Variants in NELL1 observed in about 807,000 individuals in gnomAD.
NELL1 encodes the protein protein kinase C-binding protein NELL1.
In NELL1, 76 loss-of-function variants were observed where a neutral mutation model predicts 107.4. The ratio of observed to expected loss-of-function variants is 0.71; its 90% CI spans 0.59 to 0.86. NELL1 has a LOEUF of 0.86. Among genes scored for constraint, NELL1 ranks in the 40% least tolerant of loss-of-function variants. The probability of loss-of-function intolerance (pLI) is 0.00; values close to 1 mark genes in which losing one functional copy is unlikely to be tolerated. For synonymous variants in NELL1, 353 were observed against 341.2 expected (o/e 1.03, Z -0.38); for missense variants, 1,024 against 1,005.5 (o/e 1.02, Z -0.25).
chr11:21,120,784 G>A (rs978363255), intron 13 of NELL1, among the ~76,000 whole-genome samples: 4 of 152,104 alleles, frequency 2.6e-5, no homozygotes, highest in Non-Finnish European at 5.9e-5. Flanking sequence ...TAAAGCATGT[G>A]CTACTACTTT....
Position 21,188,746 on chromosome 11 carries a change from G to A in NELL1, c.1427-40586G>A, listed in dbSNP as rs138991447. Among the ~76,000 whole-genome samples, 19 of 151,890 alleles carry A rather than the reference G, an allele frequency of 1.3e-4. 1 individual carries two copies. Among genetic ancestry groups the A allele is most frequent in the Middle Eastern group, 3.4e-3 (1 of 294 alleles). ...CCATTTACCTGCTCTGAAGTGTCTG[G>A]CTGTGTAACCTAGGACACTTCATTT... On this transcript the variant is annotated intron_variant, in intron 13 of 19. Transcript: ENST00000357134.
intron 2 of NELL1, among the ~76,000 whole-genome samples, chr11:20,689,251 C>T (rs887679103): frequency 6.0e-5 from 9 of 151,136 alleles, no homozygotes; most frequent in African/African-American, 2.2e-4. Flanking sequence ...TGATAGTCTT[C>T]TTTTACTATG....
chr11:20,723,803 C>T (rs1855448354), intron 2 of NELL1, among the ~76,000 whole-genome samples: 1 of 152,230 alleles, frequency 6.6e-6, no homozygotes, highest in Non-Finnish European at 1.5e-5. Flanking sequence ...GGGCTCTGCC[C>T]CTGCAGTAGA....
At chr11:21,362,938 A>T (rs1851116264) in intron 14 of NELL1, among the ~76,000 whole-genome samples, 1 of 152,030 alleles carries the variant, frequency 6.6e-6, no homozygotes, top group East Asian at 1.9e-4. Flanking sequence ...CTGCTGTGTT[A>T]TATGGTTCAT....
At chr11:20,905,178 C>T (rs951569372) in intron 5 of NELL1, among the ~76,000 whole-genome samples, 1 of 151,938 alleles carries the variant, frequency 6.6e-6, no homozygotes. Context: ...ACAGAGATTT[C>T]AGTTACTACA....
Position 20,885,510 on chromosome 11 carries a change from C to G in NELL1, c.573C>G (p.Gly191=), listed in dbSNP as rs752093842. Residue 191 remains glycine, a synonymous_variant, in exon 5 of 20, where the codon GGC becomes GGG. Transcript: ENST00000357134. The part of the protein sequence containing the change: ...NLPPGINLWL[G]QRNQKHGLFK... ...CCCCAGGAATCAATTTATGGCTTGGCCAGCGCAACCAAAAGCATGGCTTAT... is the reference window on the plus strand; with the variant it reads ...CCCCAGGAATCAATTTATGGCTTGGGCAGCGCAACCAAAAGCATGGCTTAT... The G allele has an allele frequency of 6.2e-7, 1 of 1,611,880 alleles. No individual in the cohort carries two copies. The highest frequency in any genetic ancestry group is 1.7e-5 in the Admixed American group (1 of 60,004).
At chr11:20,845,947 A>C (rs1848695361) in intron 3 of NELL1, among the ~76,000 whole-genome samples, 1 of 152,176 alleles carries the variant, frequency 6.6e-6, no homozygotes, top group East Asian at 1.9e-4. Context: ...AATAGTCTGT[A>C]ACATCTTCTT....
At chr11:21,491,375 T>G (rs915631384) in intron 15 of NELL1, among the ~76,000 whole-genome samples, 1 of 152,168 alleles carries the variant, frequency 6.6e-6, no homozygotes, top group Non-Finnish European at 1.5e-5. Flanking sequence ...AATTTTTGTA[T>G]AAGGTATAAG....
At chr11:21,489,695 C>A (rs1423681906) in intron 15 of NELL1, among the ~76,000 whole-genome samples, 4 of 151,984 alleles carry the variant, frequency 2.6e-5, no homozygotes, top group Non-Finnish European at 4.4e-5. Flanking sequence ...AGGACAAAAA[C>A]CAAATGATCA....
intron 14 of NELL1, among the ~76,000 whole-genome samples, chr11:21,329,388 A>C (rs868665470): frequency 1.2e-4 from 19 of 152,234 alleles, no homozygotes; most frequent in South Asian, 1.2e-3. Context: ...CTCCCTAATC[A>C]TGCTGAACTG....
At chr11:20,927,187 A>G in intron 7 of NELL1, 121 bp from the exon 8 acceptor site, 1 of 802,534 alleles carries the variant, frequency 1.2e-6, no homozygotes, top group East Asian at 2.7e-5. Context: ...GCTAAGAATC[A>G]GTGAACTGCT....
chr11:20,700,958 A>C (rs1020366523), intron 2 of NELL1, among the ~76,000 whole-genome samples: 5 of 152,184 alleles, frequency 3.3e-5, no homozygotes, highest in Non-Finnish European at 7.3e-5. Context: ...GAATAGTGCC[A>C]CAATAAACAT....
intron 15 of NELL1, among the ~76,000 whole-genome samples, chr11:21,525,402 A>AT (rs2133960805): frequency 6.6e-6 from 1 of 152,280 alleles, no homozygotes; most frequent in Non-Finnish European, 1.5e-5. Context: ...TTCATACCTT[A>AT]TTGGAACTTG....
At chr11:21,484,951 C>T (rs1206547109) in intron 15 of NELL1, among the ~76,000 whole-genome samples, 1 of 152,062 alleles carries the variant, frequency 6.6e-6, no homozygotes, top group Non-Finnish European at 1.5e-5. Flanking sequence ...TGACCAGAAA[C>T]ACTGAAAGCA....
chr11:21,427,610 T>G (rs1016518313), intron 15 of NELL1, among the ~76,000 whole-genome samples: 1 of 152,198 alleles, frequency 6.6e-6, no homozygotes, highest in Admixed American at 6.5e-5. Context: ...GGCTCAAACC[T>G]GTAATCCTCC....
At chr11:21,478,107 AG>A (rs1854395889) in intron 15 of NELL1, among the ~76,000 whole-genome samples, 1 of 152,126 alleles carries the variant, frequency 6.6e-6, no homozygotes, top group Non-Finnish European at 1.5e-5. Flanking sequence ...GCATGGTGGA[AG>A]GTGAAGGAAA....
At chr11:21,250,646 G>A (rs1489800768) in intron 14 of NELL1, among the ~76,000 whole-genome samples, 1 of 152,168 alleles carries the variant, frequency 6.6e-6, no homozygotes, top group Non-Finnish European at 1.5e-5. Context: ...GATTAAACCA[G>A]TGACTCTAAT....
At chr11:21,488,298 A>T (rs186733236) in intron 15 of NELL1, among the ~76,000 whole-genome samples, 53 of 146,762 alleles carry the variant, frequency 3.6e-4, no homozygotes, top group African/African-American at 1.2e-3. Context: ...TCAACCAATT[A>T]AAAAAAAAAA....
At chr11:20,956,566 A>G (rs1215131535) in intron 11 of NELL1, among the ~76,000 whole-genome samples, 1 of 151,536 alleles carries the variant, frequency 6.6e-6, no homozygotes, top group Non-Finnish European at 1.5e-5. Flanking sequence ...GAATGGCATG[A>G]ACCCGGGAGG....
Sources: gnomAD v4.1 joint callset for allele counts (sites outside exome capture counted in the v4.1 genomes callset) on GRCh38, gnomAD v4.1.1 for gene constraint, MANE v1.5 for transcripts, NCBI Gene and HGNC (gene_info 2026-07-23, HGNC 2026-07-21) for gene names.